The following TRIM32 variants were observed in gnomAD, a reference collection of about 807,000 sequenced individuals.
TRIM32 encodes tripartite motif containing 32.
A neutral mutation model predicts 36.0 loss-of-function variants in TRIM32; 19 were observed. That is an observed-to-expected ratio of 0.53 (90% CI 0.37 to 0.77). The LOEUF is 0.77. Ranked by LOEUF, TRIM32 falls within the 30% of genes least tolerant of loss-of-function variation. TRIM32 has a pLI of 0.00. For synonymous variants in TRIM32, 309 were observed against 318.5 expected (o/e 0.97, Z 0.32); for missense variants, 747 against 845.2 (o/e 0.88, Z 1.44).
In TRIM32 at chr9:116,698,050, G is replaced by A; in HGVS notation, c.308G>A (p.Cys103Tyr). The A allele has an allele frequency of 1.2e-6, 2 of 1,614,012 alleles. No individual in the cohort carries two copies. Among genetic ancestry groups the A allele is most frequent in the Non-Finnish European group, 1.7e-6 (2 of 1,180,028 alleles). ...EAVGLLMCRS[C>Y]GRRLPRQFCR... ...GTGGGGCTGCTCATGTGTCGGTCCT[G>A]TGGGCGGCGTCTGCCCCGGCAATTC... Residue 103 changes from cysteine to tyrosine, a missense_variant, in exon 2 of 2, where the codon TGT becomes TAT. Transcript: ENST00000450136. This position sits in a 1 kb window ranked among gnomAD's most constrained non-coding sequence, Gnocchi z 4.4.
chr9:116,692,077 T>C (rs1860597490), intron 1 of TRIM32, among the ~76,000 whole-genome samples: 1 of 152,236 alleles, frequency 6.6e-6, no homozygotes, highest in South Asian at 2.1e-4. Flanking sequence ...AGGTGCTTAG[T>C]AAAGATTTGT....
In TRIM32 at chr9:116,698,572, A is replaced by G. The variant is rs1425104410; in HGVS notation, c.830A>G (p.Asp277Gly). The G allele has an allele frequency of 6.2e-7, 1 of 1,614,044 alleles. No homozygotes were observed. The highest frequency in any genetic ancestry group is 1.3e-5 in the African/African-American group (1 of 75,056). The change falls in exon 2 of 2, where the codon GAT (aspartate) becomes GGT (glycine). Residue 277 changes from aspartate to glycine, a missense_variant. Coordinates refer to ENST00000450136, the MANE Select transcript of TRIM32 (RefSeq NM_012210.4). This position sits in a 1 kb window ranked among gnomAD's most constrained non-coding sequence, Gnocchi z 4.4. ...TTGCCTCGGGAGCTCACCCTGCAAG[A>G]TGTGGAGCTCCTTAAGGTAGGTCAT... Reference protein sequence around the residue: ...ASLPRELTLQDVELLKVGHVG... With the variant: ...ASLPRELTLQGVELLKVGHVG...
chr9:116,694,281 A>G (rs1027464326), intron 1 of TRIM32, among the ~76,000 whole-genome samples: 1 of 152,134 alleles, frequency 6.6e-6, no homozygotes, highest in African/African-American at 2.4e-5. Context: ...CTTGTTTAAT[A>G]AACTGATCTG....
Position 116,698,130 on chromosome 9 carries a change from C to A in TRIM32, c.388C>A (p.Pro130Thr). Reference sequence around the variant, plus strand: ...GCCCTGCCGGGAGGCAGACCATCAGCCTCCTGGCCACTGTACACTCCCTGT... The same window carrying A: ...GCCCTGCCGGGAGGCAGACCATCAGACTCCTGGCCACTGTACACTCCCTGT... ...CEPCREADHQ[P>T]PGHCTLPVKE... Residue 130 changes from proline to threonine, a missense_variant, in exon 2 of 2, where the codon CCT becomes ACT. Transcript: ENST00000450136. This position sits in a 1 kb window ranked among gnomAD's most constrained non-coding sequence, Gnocchi z 4.4. 1 of 1,614,102 alleles carries A rather than the reference C, an allele frequency of 6.2e-7. No individual in the cohort carries two copies. Among genetic ancestry groups the A allele is most frequent in the Non-Finnish European group, 8.5e-7 (1 of 1,180,036 alleles).
rs1298545243 is a variant in TRIM32 at position 116,691,243 on chromosome 9, G to T, written c.-82+3862G>T. ...CTTGATCCTTTAATCATAATCTCAT[G>T]ATTAAATGAACAGATGTTATATGCA... On this transcript the variant is annotated intron_variant, in intron 1 of 1. Coordinates refer to ENST00000450136, the MANE Select transcript of TRIM32 (RefSeq NM_012210.4). Among the ~76,000 whole-genome samples, 4 of 152,078 alleles carry T rather than the reference G, an allele frequency of 2.6e-5. No homozygotes were observed. The South Asian group carries it at 8.3e-4, about 32-fold the overall frequency.
chr9:116,695,631 C>T (rs1045304054), intron 1 of TRIM32, among the ~76,000 whole-genome samples: 2 of 152,194 alleles, frequency 1.3e-5, no homozygotes, highest in Non-Finnish European at 2.9e-5. Context: ...GGTTGACCAT[C>T]TGCAGATCAC....
At position 116,689,116 on chromosome 9, in the gene TRIM32, C is replaced by T. The variant is rs568423338; in HGVS notation, c.-82+1735C>T. ...GTGTGGGATACGCCCTTCCCCCCCG[C>T]AGTAAGGAATTATCCTGCCTAAAAT... On this transcript the variant is annotated intron_variant, in intron 1 of 1. Coordinates refer to ENST00000450136, the MANE Select transcript of TRIM32 (RefSeq NM_012210.4). Among the ~76,000 whole-genome samples the T allele has an allele frequency of 2.6e-5, 4 of 152,258 alleles. No individual in the cohort carries two copies. The South Asian group carries it at 8.3e-4, about 32-fold the overall frequency.
At chr9:116,695,491 C>T (rs575772581) in intron 1 of TRIM32, among the ~76,000 whole-genome samples, 1 of 152,308 alleles carries the variant, frequency 6.6e-6, no homozygotes, top group Admixed American at 6.5e-5. Context: ...TAATGTATAT[C>T]TCTACATTAA....
In TRIM32 at chr9:116,699,752, C is replaced by A; in HGVS notation, c.*48C>A. Reference sequence around the variant, plus strand: ...TTCTGCTCCCAAGCCAACTTCCCTTCCCTTAGTTCTTGGTTGTTAGTGGCA... The same window carrying A: ...TTCTGCTCCCAAGCCAACTTCCCTTACCTTAGTTCTTGGTTGTTAGTGGCA... On this transcript the variant is annotated 3_prime_UTR_variant, in exon 2 of 2. Coordinates refer to ENST00000450136, the MANE Select transcript of TRIM32 (RefSeq NM_012210.4). This position sits in a 1 kb window ranked among gnomAD's most constrained non-coding sequence, Gnocchi z 4.2. 1 of 1,613,590 alleles carries A rather than the reference C, an allele frequency of 6.2e-7. No homozygotes were observed. The highest frequency in any genetic ancestry group is 1.1e-5 in the South Asian group (1 of 90,990).
chr9:116,689,388 C>T (rs182327824), intron 1 of TRIM32, among the ~76,000 whole-genome samples: 1 of 152,308 alleles, frequency 6.6e-6, no homozygotes, highest in Non-Finnish European at 1.5e-5. Context: ...TAGGATCTGG[C>T]ACATAGTAAG....
intron 1 of TRIM32, among the ~76,000 whole-genome samples, chr9:116,688,233 C>G (rs1215059735): frequency 1.3e-5 from 2 of 151,850 alleles, no homozygotes; most frequent in African/African-American, 4.8e-5. Context: ...TATACAGCCC[C>G]AAAGATTGGA....
intron 1 of TRIM32, among the ~76,000 whole-genome samples, chr9:116,690,722 T>C (rs1860523756): frequency 6.6e-6 from 1 of 152,220 alleles, no homozygotes; most frequent in Admixed American, 6.5e-5. Context: ...TATTACTTAT[T>C]GGTTTTGAGA....
intron 1 of TRIM32, among the ~76,000 whole-genome samples, chr9:116,694,643 T>G (rs1485536730): frequency 1.3e-5 from 2 of 148,792 alleles, no homozygotes; most frequent in Admixed American, 6.7e-5. Flanking sequence ...TTTTTTTTTT[T>G]TGTATTTTTA....
At position 116,695,719 on chromosome 9, in the gene TRIM32, A is replaced by G. The variant is rs531988466; in HGVS notation, c.-81-1943A>G. Among the ~76,000 whole-genome samples, 7 of 152,248 alleles carry G rather than the reference A, an allele frequency of 4.6e-5. No homozygotes were observed. The East Asian group carries it at 1.4e-3, about 29-fold the overall frequency. On this transcript the variant is annotated intron_variant, in intron 1 of 1. Coordinates refer to ENST00000450136, the MANE Select transcript of TRIM32 (RefSeq NM_012210.4). ...TCATATGCCTCAACTTGCTAGACCT[A>G]TTCATTCTGATTTGGGGTATACGTT...
intron 1 of TRIM32, among the ~76,000 whole-genome samples, chr9:116,692,579 G>A (rs539842210): frequency 3.3e-5 from 5 of 152,174 alleles, no homozygotes; most frequent in African/African-American, 7.2e-5. Flanking sequence ...ACTTGCTCAC[G>A]TCTCCACAAT....
At chr9:116,692,313 G>T (rs1226558731) in intron 1 of TRIM32, among the ~76,000 whole-genome samples, 1 of 152,090 alleles carries the variant, frequency 6.6e-6, no homozygotes, top group Non-Finnish European at 1.5e-5. Flanking sequence ...TATGTATCTG[G>T]GGCCTTGGGT....
At chr9:116,693,832 TTCTA>T (rs1564211912) in intron 1 of TRIM32, among the ~76,000 whole-genome samples, 1 of 152,218 alleles carries the variant, frequency 6.6e-6, no homozygotes, top group Non-Finnish European at 1.5e-5. Flanking sequence ...CAAATTGACC[TTCTA>T]TCTGAGTCAT....
intron 1 of TRIM32, among the ~76,000 whole-genome samples, chr9:116,687,841 G>T (rs1362649404): frequency 6.6e-6 from 1 of 151,966 alleles, no homozygotes; most frequent in Non-Finnish European, 1.5e-5. Flanking sequence ...GGTCTGAGAT[G>T]ATAGGAGCAA....
Position 116,699,480 on chromosome 9 carries a change from G to C in TRIM32, c.1738G>C (p.Gly580Arg), listed in dbSNP as rs1354577068. 5.0e-6 allele frequency: 8 copies of C among 1,614,202 alleles called. No individual in the cohort carries two copies. ...SENEDFRCIA[G>R]MCVDARGDLI... The stretch of plus-strand genomic sequence containing the variant: ...GAATGAGGATTTCCGCTGCATTGCT[G>C]GCATGTGTGTGGATGCTCGTGGTGA... Residue 580 changes from glycine to arginine, a missense_variant, in exon 2 of 2, where the codon GGC (glycine) becomes CGC (arginine). Coordinates refer to ENST00000450136, the MANE Select transcript of TRIM32 (RefSeq NM_012210.4). This position sits in a 1 kb window ranked among gnomAD's most constrained non-coding sequence, Gnocchi z 4.2.
Sources: allele counts gnomAD v4.1 joint callset (sites outside exome capture counted in the v4.1 genomes callset), GRCh38; gene constraint gnomAD v4.1.1; non-coding constraint Gnocchi (gnomAD v3.1); transcripts MANE v1.5; gene names NCBI Gene and HGNC (gene_info 2026-07-23, HGNC 2026-07-21).